AGBL4: variants seen among roughly 807,000 people sequenced by gnomAD.
AGBL4 encodes cytosolic carboxypeptidase 6.
A neutral mutation model predicts 66.4 loss-of-function variants in AGBL4; 58 were observed. The observed-to-expected ratio is 0.87, with a 90% CI of 0.71 to 1.09. The LOEUF is 1.09. Among genes scored for constraint, AGBL4 ranks in the 50% least tolerant of loss-of-function variants. The pLI is 0.00. For missense variants in AGBL4, 579 were observed against 631.0 expected (o/e 0.92, Z 0.88); for synonymous variants, 234 against 222.9 (o/e 1.05, Z -0.44).
intron 1 of AGBL4, among the ~76,000 whole-genome samples, chr1:49,940,493 C>T (rs913492033): frequency 4.1e-4 from 62 of 152,202 alleles, no homozygotes; most frequent in African/African-American, 1.5e-3. Context: ...AAATGTGGCA[C>T]ATATACACCA....
chr1:49,831,435 T>A (rs1001273335), intron 2 of AGBL4, among the ~76,000 whole-genome samples: 2 of 152,174 alleles, frequency 1.3e-5, no homozygotes, highest in African/African-American at 4.8e-5. Context: ...ATAGGAACAC[T>A]TGTGATTTTT....
chr1:49,147,928 C>A (rs571974238), intron 4 of AGBL4, among the ~76,000 whole-genome samples: 1 of 152,226 alleles, frequency 6.6e-6, no homozygotes, highest in East Asian at 1.9e-4. Flanking sequence ...ATGCACTATC[C>A]TGTCTGTGTC....
intron 1 of AGBL4, among the ~76,000 whole-genome samples, chr1:49,874,056 G>T (rs569276615): frequency 6.6e-5 from 10 of 152,140 alleles, no homozygotes; most frequent in Non-Finnish European, 1.3e-4. Context: ...AGAACAGAGA[G>T]TCCAGAAATA....
At chr1:49,916,198 C>T (rs1208727830) in intron 1 of AGBL4, among the ~76,000 whole-genome samples, 1 of 152,198 alleles carries the variant, frequency 6.6e-6, no homozygotes, top group Non-Finnish European at 1.5e-5. Context: ...AAAAGGAACA[C>T]AGCTCCTCGC....
chr1:48,986,367 T>C lies in AGBL4; in HGVS notation c.594+59217A>G, dbSNP rs574347268. Among the ~76,000 whole-genome samples, 77 of 152,088 alleles carry C rather than the reference T, an allele frequency of 5.1e-4. 1 individual carries two copies. The highest frequency in any genetic ancestry group is 1.7e-3 in the African/African-American group (69 of 41,546). On this transcript the variant is annotated intron_variant, in intron 5 of 13. Coordinates refer to ENST00000371839, the MANE Select transcript of AGBL4 (RefSeq NM_032785.4). ...AAGAAAACTATACCAGGGCACATCA[T>C]AATCAATTTGTTTAAAGTCAGTAAT... is the stretch of plus-strand genomic sequence containing the variant.
intron 4 of AGBL4, among the ~76,000 whole-genome samples, chr1:49,109,193 T>C (rs1019378783): frequency 1.3e-5 from 2 of 152,166 alleles, no homozygotes; most frequent in Non-Finnish European, 2.9e-5. Flanking sequence ...GCATCACCTT[T>C]TACTTCCCTG....
chr1:49,378,020 C>T (rs1228761580), intron 3 of AGBL4, among the ~76,000 whole-genome samples: 5 of 145,642 alleles, frequency 3.4e-5, no homozygotes, highest in Non-Finnish European at 5.9e-5. Flanking sequence ...AAACTTCATG[C>T]CTTGTCTCCC....
intron 1 of AGBL4, among the ~76,000 whole-genome samples, chr1:49,946,381 A>C (rs1464979332): frequency 6.6e-6 from 1 of 152,078 alleles, no homozygotes; most frequent in Admixed American, 6.6e-5. Context: ...TAGTGGAATA[A>C]AACTGGTATC....
At chr1:49,908,611 A>T (rs905943790) in intron 1 of AGBL4, among the ~76,000 whole-genome samples, 3 of 152,102 alleles carry the variant, frequency 2.0e-5, no homozygotes, top group Non-Finnish European at 2.9e-5. Context: ...CCATGCTTAG[A>T]TGTTTCTCCA....
chr1:49,271,516 GCACACACA>G (rs57311875), intron 3 of AGBL4, among the ~76,000 whole-genome samples: 1,532 of 144,282 alleles, frequency 0.011, 25 homozygotes, highest in African/African-American at 0.035. Context: ...TTAAAAGATA[GCACACACA>G]CACACACACA....
intron 6 of AGBL4, among the ~76,000 whole-genome samples, chr1:48,778,592 T>C (rs1374942743): frequency 2.6e-5 from 4 of 152,198 alleles, no homozygotes; most frequent in Non-Finnish European, 5.9e-5. Flanking sequence ...TGCACCAAAA[T>C]GTTAATAGTG....
At chr1:48,646,354 G>GA (rs1645834657) in intron 8 of AGBL4, among the ~76,000 whole-genome samples, 1 of 152,140 alleles carries the variant, frequency 6.6e-6, no homozygotes, top group African/African-American at 2.4e-5. Flanking sequence ...CTAGCTTGAT[G>GA]AAAAAATAGG....
rs184875738 is a variant in AGBL4 at position 48,818,909 on chromosome 1, C to T, written c.634+48282G>A. Among the ~76,000 whole-genome samples the T allele has an allele frequency of 5.2e-4, 79 of 152,054 alleles. 1 individual carries two copies. The Middle Eastern group carries it at 0.01, about 20-fold the overall frequency. On this transcript the variant is annotated intron_variant, in intron 6 of 13. Transcript: ENST00000371839. ...GGAAATGATTTGTCATAATGGCAAC[C>T]CCACAAAGTCACTATATTCCACATC... is the stretch of plus-strand genomic sequence containing the variant.
intron 3 of AGBL4, among the ~76,000 whole-genome samples, chr1:49,476,882 T>C (rs1646857477): frequency 6.6e-6 from 1 of 152,060 alleles, no homozygotes; most frequent in Admixed American, 6.6e-5. Context: ...ACAAGCTGAC[T>C]GAAGAGCCCT....
intron 3 of AGBL4, among the ~76,000 whole-genome samples, chr1:49,630,821 T>C (rs576443952): frequency 6.6e-6 from 1 of 152,246 alleles, no homozygotes; most frequent in African/African-American, 2.4e-5. Flanking sequence ...CAGATGATGA[T>C]AGGAGAGGTA....
downstream of AGBL4, among the ~76,000 whole-genome samples, chr1:48,529,408 C>T (rs1183715404): frequency 6.6e-6 from 1 of 152,004 alleles, no homozygotes; most frequent in Non-Finnish European, 1.5e-5. Flanking sequence ...CAATTCTCAC[C>T]ATAAATATAG....
chr1:48,778,122 T>C (rs1325973771), intron 6 of AGBL4, among the ~76,000 whole-genome samples: 1 of 150,586 alleles, frequency 6.6e-6, no homozygotes, highest in Non-Finnish European at 1.5e-5. Context: ...TAAAGAAGAA[T>C]AAATAAAAAC....
chr1:50,007,745 G>A lies in AGBL4; in HGVS notation c.34+16018C>T, dbSNP rs117731690. The stretch of plus-strand genomic sequence containing the variant: ...CATGCCACTGCACTCCAGCCTAGGT[G>A]ACAGAGTGAGACCCTGTCCAAATAA... On this transcript the variant is annotated intron_variant, in intron 1 of 13. Coordinates refer to ENST00000371839, the MANE Select transcript of AGBL4 (RefSeq NM_032785.4). Among the ~76,000 whole-genome samples the A allele has an allele frequency of 8.1e-3, 1,236 of 152,136 alleles. 8 individuals carry two copies. The highest frequency in any genetic ancestry group is 0.031 in the Middle Eastern group (9 of 294).
At chr1:48,656,583 G>A (rs967256439) in intron 7 of AGBL4, among the ~76,000 whole-genome samples, 2 of 152,340 alleles carry the variant, frequency 1.3e-5, no homozygotes, top group South Asian at 2.1e-4. Context: ...AGAGATATTG[G>A]AAAGGGGACT....
Sources: allele counts gnomAD v4.1 joint callset (sites outside exome capture counted in the v4.1 genomes callset), GRCh38; gene constraint gnomAD v4.1.1; transcripts MANE v1.5; gene names NCBI Gene and HGNC (gene_info 2026-07-23, HGNC 2026-07-21).